Variants in RAF1 observed in about 807,000 individuals in gnomAD.
RAF1 encodes Raf-1 proto-oncogene, serine/threonine kinase, also known as RAF proto-oncogene serine/threonine-protein kinase.
RAF1 carries 27 observed loss-of-function variants against 81.1 expected under a neutral mutation model. The observed-to-expected ratio is 0.33, with a 90% CI of 0.25 to 0.46. RAF1 has a LOEUF of 0.46. Among genes scored for constraint, RAF1 ranks in the 20% least tolerant of loss-of-function variants. The probability of loss-of-function intolerance (pLI) is 1.00; values close to 1 mark genes in which losing one functional copy is unlikely to be tolerated. For synonymous variants in RAF1, 298 were observed against 294.0 expected (o/e 1.01, Z -0.14); for missense variants, 598 against 826.0 (o/e 0.72, Z 3.38).
chr3:12,634,043 T>G (rs1055258053), intron 1 of RAF1, among the ~76,000 whole-genome samples: 6 of 151,518 alleles, frequency 4.0e-5, no homozygotes, highest in Admixed American at 6.6e-5. Flanking sequence ...GAAGGAAAAC[T>G]ATCTCCAATT....
At position 12,590,944 on chromosome 3, in the gene RAF1, G is replaced by A. The variant is rs1313324698; in HGVS notation, c.1284C>T (p.Phe428=). Residue 428 remains phenylalanine (F), a synonymous_variant, in exon 13 of 18, where the codon TTC becomes TTT. Transcript: ENST00000442415. ...GGTTGTCCTTTGTCATGTACCCCAT[G>A]AAAAGCAGAATGTTCACATGCCGTG... The A allele has an allele frequency of 3.7e-6, 6 of 1,612,526 alleles. No individual in the cohort carries two copies. The East Asian group carries it at 1.3e-4, about 36-fold the overall frequency.
chr3:12,630,812 T>G (rs2059837533), intron 1 of RAF1, among the ~76,000 whole-genome samples: 1 of 152,136 alleles, frequency 6.6e-6, no homozygotes, highest in Non-Finnish European at 1.5e-5. Context: ...TACCTTAGAT[T>G]TTTTCTTTTG....
intron 14 of RAF1, among the ~76,000 whole-genome samples, chr3:12,586,550 G>GAA (rs976855234): frequency 2.6e-5 from 4 of 152,146 alleles, no homozygotes; most frequent in African/African-American, 9.7e-5. Flanking sequence ...CCCCACCACT[G>GAA]AAAGGTGTTC....
chr3:12,608,676 G>C (rs2125415968), intron 5 of RAF1, 90 bp downstream of exon 5: 1 of 1,399,294 alleles, frequency 7.1e-7, no homozygotes, highest in Non-Finnish European at 1.0e-6. Flanking sequence ...CTAGAATCCA[G>C]ACCTGTCAGT....
chr3:12,608,691 A>G, intron 5 of RAF1, 75 bp downstream of exon 5: 3 of 1,518,492 alleles, frequency 2.0e-6, no homozygotes, highest in Non-Finnish European at 9.1e-7. Context: ...GTCAGTCAAA[A>G]TCTACAACAA....
intron 11 of RAF1, among the ~76,000 whole-genome samples, chr3:12,592,348 A>C (rs1430382201): frequency 6.6e-6 from 1 of 152,232 alleles, no homozygotes; most frequent in African/African-American, 2.4e-5. Context: ...GTGAGACCTA[A>C]GATGGTCCCT....
intron 1 of RAF1, among the ~76,000 whole-genome samples, chr3:12,620,617 T>A (rs2059529109): frequency 6.6e-6 from 1 of 152,102 alleles, no homozygotes; most frequent in South Asian, 2.1e-4. Context: ...ACCACAGACG[T>A]GCATCACCAT....
intron 1 of RAF1, among the ~76,000 whole-genome samples, chr3:12,633,623 C>A (rs1436014437): frequency 2.4e-5 from 3 of 122,864 alleles, no homozygotes; most frequent in Non-Finnish European, 4.9e-5. Context: ...ATTCTATAAA[C>A]TTTTACAGTT....
intron 1 of RAF1, among the ~76,000 whole-genome samples, chr3:12,641,782 G>C (rs184613373): frequency 6.6e-6 from 1 of 152,018 alleles, no homozygotes; most frequent in African/African-American, 2.4e-5. Flanking sequence ...GTGAACCACC[G>C]TACCCGGCCC....
chr3:12,647,929 T>C (rs2060405773), intron 1 of RAF1, among the ~76,000 whole-genome samples: 2 of 152,174 alleles, frequency 1.3e-5, no homozygotes, highest in South Asian at 4.1e-4. Context: ...CTCCTACATT[T>C]TAAAAGTGTA....
At chr3:12,645,245 C>G (rs1366598558) in intron 1 of RAF1, among the ~76,000 whole-genome samples, 1 of 151,990 alleles carries the variant, frequency 6.6e-6, no homozygotes. Flanking sequence ...GTAGTTCCGA[C>G]TCAAAAAAGT....
chr3:12,638,412 T>C (rs974878267), intron 1 of RAF1, among the ~76,000 whole-genome samples: 1 of 152,178 alleles, frequency 6.6e-6, no homozygotes, highest in Admixed American at 6.6e-5. Context: ...TGACTGGCAG[T>C]CAGCTAAGGA....
chr3:12,625,786 A>G (rs570338821), intron 1 of RAF1, among the ~76,000 whole-genome samples: 1 of 152,286 alleles, frequency 6.6e-6, no homozygotes, highest in East Asian at 1.9e-4. Context: ...ACCTGTGAAG[A>G]GCCACTGAAG....
At chr3:12,651,687 A>G (rs1185410820) in intron 1 of RAF1, among the ~76,000 whole-genome samples, 1 of 150,624 alleles carries the variant, frequency 6.6e-6, no homozygotes, top group Non-Finnish European at 1.5e-5. Flanking sequence ...TTGATCACAG[A>G]ATACATGTTC....
chr3:12,587,439 T>C lies in RAF1; in HGVS notation c.1477+152A>G, dbSNP rs2058364300. 6.3e-6 allele frequency: 5 copies of C among 791,274 alleles called. No individual in the cohort carries two copies. In the East Asian group the frequency reaches 9.7e-5, roughly 15 times the overall value. The allele number at this position is 791,274 out of a possible 1,614,324, so 49.0% of individuals were successfully genotyped here. A position where few individuals can be genotyped will look rare whatever the true frequency, so the allele number is the denominator to read the frequency against. On this transcript the variant is annotated intron_variant, in intron 14 of 17. Transcript: ENST00000442415. ...CTGCTGAGGGACAGGCCAAGCCTAC[T>C]AATTTTCTGACTTTTCTGTTTTCCT...
intron 6 of RAF1, among the ~76,000 whole-genome samples, chr3:12,605,250 A>ATGTGTGTGTGTGTG (rs139616156): frequency 0.055 from 7,920 of 144,482 alleles, 309 homozygotes; most frequent in African/African-American, 0.11. Flanking sequence ...ATTACACATT[A>ATGTGTGTGTGTGTG]TGTGTGTGTG....
At chr3:12,629,342 C>T (rs17037057) in intron 1 of RAF1, among the ~76,000 whole-genome samples, 1,596 of 152,150 alleles carry the variant, frequency 0.01, 30 homozygotes, top group African/African-American at 0.036. Flanking sequence ...TTTTGGTACT[C>T]GCTAAAACTC....
intron 1 of RAF1, among the ~76,000 whole-genome samples, chr3:12,622,318 T>G (rs760385995): frequency 1.3e-5 from 2 of 152,192 alleles, no homozygotes; most frequent in Non-Finnish European, 2.9e-5. Context: ...TAATAATCCA[T>G]GTAACAGCCT....
intron 12 of RAF1, 112 bp from the exon 12 acceptor site, chr3:12,591,086 A>C (rs908429042): frequency 9.1e-6 from 9 of 992,676 alleles, no homozygotes; most frequent in Non-Finnish European, 1.3e-5. Flanking sequence ...CCCAGTCCCA[A>C]CACCACCCCC....
Sources: allele counts gnomAD v4.1 joint callset (sites outside exome capture counted in the v4.1 genomes callset), GRCh38; gene constraint gnomAD v4.1.1; transcripts MANE v1.5; gene names NCBI Gene and HGNC (gene_info 2026-07-23, HGNC 2026-07-21).